C22orf31: variants seen among roughly 807,000 people sequenced by gnomAD.
C22orf31 encodes chromosome 22 open reading frame 31.
C22orf31 carries 11 observed loss-of-function variants against 15.0 expected under a neutral mutation model. The observed-to-expected ratio is 0.73, with a 90% CI of 0.46 to 1.21. The LOEUF (loss-of-function observed/expected upper bound fraction) is 1.21, where lower values mean the gene tolerates loss of function less well. Among genes scored for constraint, C22orf31 ranks in the 50% most tolerant of loss-of-function variants. The pLI is 0.00. For synonymous variants in C22orf31, 132 were observed against 133.3 expected (o/e 0.99, Z 0.07); for missense variants, 340 against 347.2 (o/e 0.98, Z 0.17).
At chr22:29,064,166 C>G (rs1297912627), upstream of C22orf31, among the ~76,000 whole-genome samples, 4 of 152,186 alleles carry the variant, frequency 2.6e-5, no homozygotes, top group Non-Finnish European at 4.4e-5. Context: ...CCACACCCAG[C>G]CCTACTGCCC....
upstream of C22orf31, among the ~76,000 whole-genome samples, chr22:29,064,206 T>G (rs1442155262): frequency 1.3e-5 from 2 of 152,308 alleles, no homozygotes; most frequent in Non-Finnish European, 2.9e-5. Context: ...GTTATCACCG[T>G]GATGCCTGGC....
upstream of C22orf31, among the ~76,000 whole-genome samples, chr22:29,062,824 G>A (rs1038347503): frequency 2.5e-4 from 38 of 152,182 alleles, 1 homozygote; most frequent in African/African-American, 8.4e-4. Context: ...TTTCAGTGGC[G>A]AGCCCTGGCC....
upstream of C22orf31, among the ~76,000 whole-genome samples, chr22:29,063,374 C>T (rs2037408999): frequency 6.6e-6 from 1 of 152,060 alleles, no homozygotes; most frequent in Non-Finnish European, 1.5e-5. Flanking sequence ...CCATGTTGGC[C>T]CAGCTGGTCT....
chr22:29,068,070 ATATCAAACC>A, the C22orf31 span, among the ~76,000 whole-genome samples: 3 of 62,508 alleles, frequency 4.8e-5, no homozygotes, highest in Non-Finnish European at 1.0e-4. Context: ...CATATCAAAC[ATATCAAACC>A]CCGTCTTTTT....
the C22orf31 span, among the ~76,000 whole-genome samples, chr22:29,068,632 G>C: frequency 4.6e-5 from 7 of 150,882 alleles, no homozygotes; most frequent in African/African-American, 7.3e-5. Context: ...GGATAGTCTC[G>C]ATCTCCTGAC....
At position 29,058,961 on chromosome 22, in the gene C22orf31, G is replaced by T. The variant is rs367892930; in HGVS notation, c.654C>A (p.His218Gln). ...TCCACAGCATTGGCTCCACCACAGC[G>T]TGGTACAGAGCCTGGTAACCCTCTG... The part of the protein sequence containing the change: ...LPTEGYQALY[H>Q]AVVEPMLWNP... The change falls in exon 3 of 3, where the codon CAC becomes CAA. Residue 218 changes from histidine (H) to glutamine (Q), a missense_variant. Transcript: ENST00000216071. 8 of 1,614,040 alleles carry T rather than the reference G, an allele frequency of 5.0e-6. No individual in the cohort carries two copies. The highest frequency in any genetic ancestry group is 5.9e-6 in the Non-Finnish European group (7 of 1,179,994).
the C22orf31 span, among the ~76,000 whole-genome samples, chr22:29,070,027 C>T: frequency 6.7e-6 from 1 of 149,472 alleles, no homozygotes; most frequent in African/African-American, 2.5e-5. Context: ...CTCACTGCAA[C>T]CTCCACCTCC....
At position 29,060,531 on chromosome 22, in the gene C22orf31, T is replaced by C. The variant is rs1431800632; in HGVS notation, c.316A>G (p.Lys106Glu). The C allele has an allele frequency of 1.2e-6, 2 of 1,614,008 alleles. No homozygotes were observed. Among genetic ancestry groups the C allele is most frequent in the Admixed American group, 1.7e-5 (1 of 59,988 alleles). Residue 106 changes from lysine (K) to glutamate (E), a missense_variant, in exon 2 of 3, where the codon AAG (lysine) becomes GAG (glutamate). By Grantham distance (56) the Lys-to-Glu change is moderately conservative. Coordinates refer to ENST00000216071, the MANE Select transcript of C22orf31 (RefSeq NM_015370.2). ...FGEGKLSKRL[K>E]HKDDSVMKAT... ...TTCATCACTGAATCGTCCTTGTGCTTTAATCTCTTCGAGAGTTTTCCTTCT... is the reference window on the plus strand; with the variant it reads ...TTCATCACTGAATCGTCCTTGTGCTCTAATCTCTTCGAGAGTTTTCCTTCT...
chr22:29,060,754 A>G lies in C22orf31; in HGVS notation c.93T>C (p.Tyr31=). Residue 31 remains tyrosine (Y), a synonymous_variant, in exon 2 of 3, where the codon TAT becomes TAC. Transcript: ENST00000216071. ...ILLNTRLQDC[Y]VDSPALTNIW... The stretch of plus-strand genomic sequence containing the variant: ...TGTTGGTGAGAGCCGGTGAGTCCAC[A>G]TAGCAGTCCTGAAGCCTGGTATTTA... 2.5e-6 allele frequency: 4 copies of G among 1,614,160 alleles called. No homozygotes were observed. Among genetic ancestry groups the G allele is most frequent in the Non-Finnish European group, 3.4e-6 (4 of 1,180,012 alleles).
In C22orf31 at chr22:29,058,766, C is replaced by T. The variant is rs1271289365; in HGVS notation, c.849G>A (p.Trp283Ter). ...CCTATTTTTTGCTCTTTAACTTGGG[C>T]CATTTCTTGAGTACAGGCTCCTCGT... Reference protein sequence around the residue: ...GVHEEPVLKKWPKLKSKK With the variant: ...GVHEEPVLKK The change falls in exon 3 of 3, where the codon TGG (tryptophan) becomes TGA (stop). Residue 283 changes from tryptophan (W) to a stop codon, truncating the protein, a stop_gained. Coordinates refer to ENST00000216071, the MANE Select transcript of C22orf31 (RefSeq NM_015370.2). LOFTEE classifies it high-confidence loss of function. 2 of 1,610,968 alleles carry T rather than the reference C, an allele frequency of 1.2e-6. No homozygotes were observed. The highest frequency in any genetic ancestry group is 1.1e-5 in the South Asian group (1 of 90,712).
chr22:29,063,381 G>T (rs573776160), upstream of C22orf31, among the ~76,000 whole-genome samples: 16 of 152,198 alleles, frequency 1.1e-4, no homozygotes, highest in African/African-American at 3.9e-4. Flanking sequence ...GGCCCAGCTG[G>T]TCTCAAACTC....
the C22orf31 span, among the ~76,000 whole-genome samples, chr22:29,072,050 G>A: frequency 2.0e-5 from 3 of 152,308 alleles, no homozygotes; most frequent in South Asian, 6.2e-4. Context: ...TCAGTATGTG[G>A]CTGCAAACTT....
Position 29,061,412 on chromosome 22 carries a change from A to G in C22orf31, c.3+378T>C, listed in dbSNP as rs186892888. ...CTCCGAAGTAGTTGAGATTACAGGC[A>G]TGCACCACCGCACCCAGCTGATGTT... On this transcript the variant is annotated intron_variant, in intron 1 of 2. Transcript: ENST00000216071. 5.6e-4 allele frequency among the ~76,000 whole-genome samples: 85 copies of G among 152,202 alleles called. No individual in the cohort carries two copies. In the East Asian group the frequency reaches 0.014, roughly 25 times the overall value.
At chr22:29,061,656 A>T (rs1336060798) in intron 1 of C22orf31, 134 bp downstream of exon 1, 1 of 636,772 alleles carries the variant, frequency 1.6e-6, no homozygotes, top group Non-Finnish European at 2.8e-6. Context: ...GCAACACGAA[A>T]ACATTAATGC....
chr22:29,073,012 C>T, the C22orf31 span: 20 of 161,944 alleles, frequency 1.2e-4, no homozygotes, highest in East Asian at 1.4e-3. The surrounding 1 kb of genome is among the most constrained non-coding windows in gnomAD (Gnocchi z 4.4). Flanking sequence ...GGCGGGGCGG[C>T]CGGGCGGCCG....
upstream of C22orf31, among the ~76,000 whole-genome samples, chr22:29,062,384 T>C (rs916234250): frequency 2.0e-5 from 3 of 152,156 alleles, no homozygotes; most frequent in African/African-American, 7.2e-5. Context: ...TTTCCCTGCA[T>C]GTCTCTCCCG....
At chr22:29,070,383 A>AG in the C22orf31 span, among the ~76,000 whole-genome samples, 1 of 152,244 alleles carries the variant, frequency 6.6e-6, no homozygotes, top group African/African-American at 2.4e-5. Context: ...CTGCCAGCCC[A>AG]GGAGGGGTGC....
chr22:29,060,478 G>T lies in C22orf31; in HGVS notation c.369C>A (p.Asn123Lys), dbSNP rs957926745. Residue 123 changes from asparagine to lysine, a missense_variant, in exon 2 of 3, where the codon AAC (asparagine) becomes AAA (lysine). Coordinates refer to ENST00000216071, the MANE Select transcript of C22orf31 (RefSeq NM_015370.2). ...GCTGCTTGCTCTTGGAACTGATGAA[G>T]TTTCTTTTCCTGGCCTGCTGGGTGG... ...MKATQQARKRNFISSKSKQPA... is the reference protein window; with the variant it reads ...MKATQQARKRKFISSKSKQPA... 3 of 1,613,874 alleles carry T rather than the reference G, an allele frequency of 1.9e-6. No individual in the cohort carries two copies. Among genetic ancestry groups the T allele is most frequent in the African/African-American group, 1.3e-5 (1 of 74,860 alleles).
chr22:29,063,543 CT>C (rs2037410151), upstream of C22orf31, among the ~76,000 whole-genome samples: 1 of 152,252 alleles, frequency 6.6e-6, no homozygotes, highest in African/African-American at 2.4e-5. Context: ...CAAATTCTGC[CT>C]TCTCTGCCTT....
Sources: gnomAD v4.1 joint callset for allele counts (sites outside exome capture counted in the v4.1 genomes callset) on GRCh38, gnomAD v4.1.1 for gene constraint, Gnocchi (gnomAD v3.1) non-coding constraint, MANE v1.5 for transcripts, NCBI Gene and HGNC (gene_info 2026-07-23, HGNC 2026-07-21) for gene names.